The following ANKRD18B variants were observed in gnomAD, a reference collection of about 807,000 sequenced individuals.
The protein encoded by ANKRD18B is ankyrin repeat domain 18B, also known as ankyrin repeat domain-containing protein 18B.
In ANKRD18B, 75 loss-of-function variants were observed where a neutral mutation model predicts 111.8. That is an observed-to-expected ratio of 0.67 (90% CI 0.56 to 0.81). ANKRD18B has a LOEUF of 0.81. ANKRD18B is among the 40% of genes least tolerant of loss of function. The pLI is 0.00. For synonymous variants in ANKRD18B, 356 were observed against 417.3 expected (o/e 0.85, Z 1.79); for missense variants, 1,038 against 1,225.5 (o/e 0.85, Z 2.28).
chr9:33,529,263 C>A, intron 3 of ANKRD18B, 90 bp downstream of exon 3: 2 of 1,437,866 alleles, frequency 1.4e-6, no homozygotes, highest in Non-Finnish European at 1.8e-6. Flanking sequence ...CTCAAGTATT[C>A]CTGAATGAAA....
chr9:33,534,708 G>A (rs575154095), intron 5 of ANKRD18B, among the ~76,000 whole-genome samples: 9 of 152,082 alleles, frequency 5.9e-5, no homozygotes, highest in Non-Finnish European at 1.3e-4. Flanking sequence ...GATTCTTTCC[G>A]GACTTTTAAA....
downstream of ANKRD18B, among the ~76,000 whole-genome samples, chr9:33,574,745 G>C (rs7019199): frequency 0.28 from 43,257 of 151,808 alleles, 6,803 homozygotes; most frequent in African/African-American, 0.44. Flanking sequence ...CATATGTACA[G>C]ACACACACAA....
chr9:33,544,307 A>G (rs1351684225), intron 10 of ANKRD18B, among the ~76,000 whole-genome samples: 2 of 152,190 alleles, frequency 1.3e-5, no homozygotes, highest in East Asian at 1.9e-4. Context: ...AGGAGTAGTA[A>G]AACATAGATT....
chr9:33,561,947 C>T (rs1165657014), intron 14 of ANKRD18B, among the ~76,000 whole-genome samples: 1 of 151,920 alleles, frequency 6.6e-6, no homozygotes, highest in Non-Finnish European at 1.5e-5. Flanking sequence ...TGCATATTAC[C>T]AGTTGTCTTA....
chr9:33,562,097 T>G (rs1214325418), intron 14 of ANKRD18B, among the ~76,000 whole-genome samples: 2 of 152,202 alleles, frequency 1.3e-5, no homozygotes, highest in African/African-American at 4.8e-5. Context: ...CTTTCTTTTT[T>G]TCTCCATTTA....
At chr9:33,526,229 C>T (rs1828023081) in intron 1 of ANKRD18B, among the ~76,000 whole-genome samples, 1 of 152,168 alleles carries the variant, frequency 6.6e-6, no homozygotes, top group Non-Finnish European at 1.5e-5. Context: ...CCCATCAACT[C>T]CATTGTATTA....
In ANKRD18B at chr9:33,548,340, T is replaced by A; in HGVS notation, c.1552T>A (p.Trp518Arg). 1 of 1,549,762 alleles carries A rather than the reference T, an allele frequency of 6.5e-7. No individual in the cohort carries two copies. The highest frequency in any genetic ancestry group is 1.2e-5 in the South Asian group (1 of 83,506). The change falls in exon 11 of 19, where the codon TGG (tryptophan) becomes AGG (arginine). Residue 518 changes from tryptophan to arginine, a missense_variant. Transcript: ENST00000684830. The part of the protein sequence containing the change: ...LERKDLELVL[W>R]RADDVSRHET... ...AAGAAAAGACCTAGAACTAGTTTTA[T>A]GGAGAGCAGATGATGTTTCTAGACA...
At chr9:33,554,661 G>A (rs996217073) in intron 12 of ANKRD18B, among the ~76,000 whole-genome samples, 3 of 152,142 alleles carry the variant, frequency 2.0e-5, no homozygotes, top group African/African-American at 7.2e-5. Flanking sequence ...AATTAGCTGG[G>A]TGAGGTGGTG....
rs1455873265 is a variant in ANKRD18B at position 33,524,499 on chromosome 9, C to G, written c.10C>G (p.Leu4Val). ...CTGAGAAGTCGCCACCATGAGGAAG[C>G]TCCTCAGTTTTGGGAGACGCCTGGG... Reference protein sequence around the residue: MRKLLSFGRRLGQA... With the variant: MRKVLSFGRRLGQA... The change falls in exon 1 of 19, where the codon CTC becomes GTC. Residue 4 changes from leucine (L) to valine (V), a missense_variant. By Grantham distance (32) the Leu-to-Val change is conservative (BLOSUM62 1). Around this residue, in one of 4 missense-constraint regions of ANKRD18B, gnomAD observed 216 missense variants for 205.1 expected, o/e 1.05. Transcript: ENST00000684830. The G allele has an allele frequency of 1.3e-6, 2 of 1,547,918 alleles. No individual in the cohort carries two copies. Among genetic ancestry groups the G allele is most frequent in the Non-Finnish European group, 1.7e-6 (2 of 1,145,736 alleles).
chr9:33,548,273 T>C lies in ANKRD18B; in HGVS notation c.1485T>C (p.Ser495=), dbSNP rs747630880. The C allele has an allele frequency of 2.8e-5, 44 of 1,551,080 alleles. 1 individual carries two copies. The South Asian group carries it at 4.6e-4, about 16-fold the overall frequency. The change falls in exon 11 of 19, where the codon TCT becomes TCC. Residue 495 remains serine (S), a synonymous_variant. Coordinates refer to ENST00000684830, the MANE Select transcript of ANKRD18B (RefSeq NM_001393611.1). ...RLEAEVESLH[S]NLATAINEYN... ...AAGCTGAAGTTGAATCCCTCCATTC[T>C]AACTTGGCCACTGCTATAAATGAGT...
At chr9:33,565,552 A>G (rs568093069) in intron 14 of ANKRD18B, among the ~76,000 whole-genome samples, 70 of 152,188 alleles carry the variant, frequency 4.6e-4, no homozygotes, top group Non-Finnish European at 8.1e-4. Context: ...GCAGCCCTGA[A>G]CTCTGGGTAC....
intron 1 of ANKRD18B, 26 bp downstream of exon 1, chr9:33,524,721 G>C (rs1828001588): frequency 6.5e-7 from 1 of 1,543,414 alleles, no homozygotes; most frequent in Non-Finnish European, 8.7e-7. Flanking sequence ...CCCTCGGTGG[G>C]AGGGGGCCCC....
intron 8 of ANKRD18B, among the ~76,000 whole-genome samples, 186 bp from the exon 9 acceptor site, chr9:33,540,961 T>C (rs1468437691): frequency 6.6e-6 from 1 of 152,178 alleles, no homozygotes; most frequent in Admixed American, 6.5e-5. Flanking sequence ...CATATAGTTA[T>C]TATTTACTAT....
intron 3 of ANKRD18B, 31 bp downstream of exon 3, chr9:33,529,204 G>A: frequency 6.4e-7 from 1 of 1,567,200 alleles, no homozygotes; most frequent in Non-Finnish European, 8.6e-7. Flanking sequence ...TTTTCAAAAT[G>A]TTTGTTTTAA....
chr9:33,551,143 C>T (rs903577054), intron 12 of ANKRD18B, among the ~76,000 whole-genome samples: 8 of 152,088 alleles, frequency 5.3e-5, no homozygotes, highest in Non-Finnish European at 1.0e-4. Context: ...ATTGTAATGG[C>T]GTAGAAATAC....
At chr9:33,561,360 T>C (rs151062027) in intron 14 of ANKRD18B, among the ~76,000 whole-genome samples, 6,413 of 152,312 alleles carry the variant, frequency 0.042, 187 homozygotes, top group South Asian at 0.067. Context: ...CTATTCAAAT[T>C]CTTTGCCCAT....
At chr9:33,532,001 G>A (rs534954118) in intron 3 of ANKRD18B, among the ~76,000 whole-genome samples, 13 of 152,238 alleles carry the variant, frequency 8.5e-5, no homozygotes, top group South Asian at 4.1e-4. Flanking sequence ...TTGGGAGGCC[G>A]AGGAGGGCAG....
downstream of ANKRD18B, chr9:33,573,090 T>C: frequency 9.7e-7 from 1 of 1,027,662 alleles, no homozygotes; most frequent in Non-Finnish European, 1.3e-6. Context: ...TTTTGATTTG[T>C]CCCCATTACT....
chr9:33,569,540 G>T (rs917252228), intron 17 of ANKRD18B, among the ~76,000 whole-genome samples: 2 of 151,986 alleles, frequency 1.3e-5, no homozygotes, highest in Non-Finnish European at 2.9e-5. Context: ...GATTACAGGG[G>T]TGAGCCTCTG....
Sources: gnomAD v4.1 joint callset for allele counts (sites outside exome capture counted in the v4.1 genomes callset) on GRCh38, gnomAD v4.1.1 for gene constraint, gnomAD v4.1.1 regional missense constraint, MANE v1.5 for transcripts, NCBI Gene and HGNC (gene_info 2026-07-23, HGNC 2026-07-21) for gene names.